Variants in RNFT2 observed in about 807,000 individuals in gnomAD.
RNFT2 encodes E3 ubiquitin-protein ligase RNFT2.
Under a neutral mutation model 53.0 loss-of-function variants are expected in RNFT2, and 36 were observed. The observed-to-expected ratio is 0.68, with a 90% CI of 0.52 to 0.90. The LOEUF (loss-of-function observed/expected upper bound fraction) is 0.90. RNFT2 is among the 40% of genes least tolerant of loss of function. The pLI is 0.00. For missense variants in RNFT2, 514 were observed against 585.6 expected (o/e 0.88, Z 1.26); for synonymous variants, 260 against 253.2 (o/e 1.03, Z -0.26).
intron 7 of RNFT2, among the ~76,000 whole-genome samples, chr12:116,796,081 GTATTTT>G (rs1167835970): frequency 6.6e-6 from 1 of 151,688 alleles, no homozygotes; most frequent in Non-Finnish European, 1.5e-5. Context: ...GCTAACTTTT[GTATTTT>G]TAGTAGAGAA....
intron 7 of RNFT2, among the ~76,000 whole-genome samples, chr12:116,819,053 T>C (rs1278613769): frequency 3.3e-5 from 5 of 152,220 alleles, no homozygotes; most frequent in African/African-American, 4.8e-5. Context: ...TTTATCCCTC[T>C]GATCCCGTTT....
intron 6 of RNFT2, among the ~76,000 whole-genome samples, chr12:116,778,749 C>G (rs1202190904): frequency 1.3e-5 from 2 of 152,198 alleles, no homozygotes; most frequent in African/African-American, 4.8e-5. Flanking sequence ...ACTTGGGAAG[C>G]TGAGGCGGGA....
intron 10 of RNFT2, among the ~76,000 whole-genome samples, chr12:116,843,187 G>T (rs187645433): frequency 6.6e-6 from 1 of 152,214 alleles, no homozygotes; most frequent in Non-Finnish European, 1.5e-5. Context: ...GGCACGACCA[G>T]GGGGCAGTTA....
At chr12:116,766,792 A>G (rs1437106095) in intron 5 of RNFT2, 22 bp from the exon 6 acceptor site, 3 of 1,554,998 alleles carry the variant, frequency 1.9e-6, no homozygotes, top group Non-Finnish European at 2.6e-6. Context: ...TTGATATCAC[A>G]TATCTCTTGC....
chr12:116,779,464 A>T (rs780289649), intron 7 of RNFT2, 116 bp downstream of exon 7: 84 of 1,118,306 alleles, frequency 7.5e-5, no homozygotes, highest in Admixed American at 1.1e-4. Flanking sequence ...AGCATATAAA[A>T]TAAACAGAGC....
At chr12:116,808,413 T>A (rs886626707) in intron 7 of RNFT2, among the ~76,000 whole-genome samples, 2 of 152,160 alleles carry the variant, frequency 1.3e-5, no homozygotes, top group East Asian at 1.9e-4. Flanking sequence ...GCTGTCCTTG[T>A]GTTTTGTTTT....
At chr12:116,820,051 T>A (rs192727254) in intron 7 of RNFT2, among the ~76,000 whole-genome samples, 1 of 152,368 alleles carries the variant, frequency 6.6e-6, no homozygotes, top group East Asian at 1.9e-4. Context: ...TTCTAAGACT[T>A]TGAAATTCCT....
intron 7 of RNFT2, among the ~76,000 whole-genome samples, chr12:116,794,323 C>T (rs1455590465): frequency 1.3e-5 from 2 of 151,668 alleles, no homozygotes; most frequent in Non-Finnish European, 2.9e-5. Flanking sequence ...CAGGGCTGGG[C>T]ATAGTGGTTC....
intron 6 of RNFT2, among the ~76,000 whole-genome samples, chr12:116,772,113 A>G (rs1342010362): frequency 6.6e-6 from 1 of 151,826 alleles, no homozygotes; most frequent in Non-Finnish European, 1.5e-5. Flanking sequence ...TATTTTGGAG[A>G]CACAGTCTTG....
chr12:116,750,819 T>TTATATATATTA (rs1726734501), intron 4 of RNFT2, among the ~76,000 whole-genome samples: 1 of 4,338 alleles, frequency 2.3e-4, no homozygotes, highest in Non-Finnish European at 1.0e-3. Flanking sequence ...AATATATATA[T>TTATATATATTA]TATATATATA....
intron 7 of RNFT2, among the ~76,000 whole-genome samples, chr12:116,790,623 T>C (rs1360027662): frequency 6.6e-6 from 1 of 152,234 alleles, no homozygotes; most frequent in Non-Finnish European, 1.5e-5. Flanking sequence ...GTTGTCTTGA[T>C]TTTTTGTTTT....
intron 7 of RNFT2, among the ~76,000 whole-genome samples, chr12:116,783,873 A>G (rs1346840827): frequency 1.3e-5 from 2 of 152,246 alleles, no homozygotes; most frequent in African/African-American, 4.8e-5. Flanking sequence ...TAACAACTGT[A>G]ATAGCAAACT....
At chr12:116,750,819 T>TTATATATA (rs1477480685) in intron 4 of RNFT2, among the ~76,000 whole-genome samples, 1 of 4,338 alleles carries the variant, frequency 2.3e-4, no homozygotes, top group Non-Finnish European at 1.0e-3. Context: ...AATATATATA[T>TTATATATA]TATATATATA....
chr12:116,792,625 G>T (rs1282467128), intron 7 of RNFT2, among the ~76,000 whole-genome samples: 1 of 152,284 alleles, frequency 6.6e-6, no homozygotes, highest in East Asian at 1.9e-4. Flanking sequence ...GCGTAATCTA[G>T]CCTGTAGAAA....
At chr12:116,784,296 C>A (rs556397786) in intron 7 of RNFT2, among the ~76,000 whole-genome samples, 1 of 152,320 alleles carries the variant, frequency 6.6e-6, no homozygotes, top group South Asian at 2.1e-4. Flanking sequence ...CAGCATCCGC[C>A]GCACGTGTCG....
intron 10 of RNFT2, among the ~76,000 whole-genome samples, chr12:116,847,936 A>G (rs1284821143): frequency 6.6e-6 from 1 of 152,184 alleles, no homozygotes; most frequent in East Asian, 1.9e-4. Flanking sequence ...TGCTGCACCT[A>G]TCAACCCATC....
chr12:116,806,346 G>C (rs1486506314), intron 7 of RNFT2, among the ~76,000 whole-genome samples: 1 of 139,992 alleles, frequency 7.1e-6, no homozygotes, highest in Non-Finnish European at 1.5e-5. Context: ...TTCCAGCCTG[G>C]GTAACAGAGT....
At chr12:116,847,026 A>G (rs1877653976) in intron 10 of RNFT2, among the ~76,000 whole-genome samples, 1 of 150,172 alleles carries the variant, frequency 6.7e-6, no homozygotes, top group Non-Finnish European at 1.5e-5. Flanking sequence ...CTCCTGCCTT[A>G]GCCTTCCAAG....
At chr12:116,811,618 T>G (rs1017775372) in intron 7 of RNFT2, among the ~76,000 whole-genome samples, 2 of 152,206 alleles carry the variant, frequency 1.3e-5, no homozygotes, top group Admixed American at 6.5e-5. Flanking sequence ...TCAAATAATC[T>G]GCCCGCCTTG....
Sources: gnomAD v4.1 joint callset for allele counts (sites outside exome capture counted in the v4.1 genomes callset) on GRCh38, gnomAD v4.1.1 for gene constraint, MANE v1.5 for transcripts, NCBI Gene and HGNC (gene_info 2026-07-23, HGNC 2026-07-21) for gene names.